The following CENPE variants were observed in gnomAD, a reference collection of about 807,000 sequenced individuals.
CENPE encodes centromere protein E, also known as centromere-associated protein E.
Under a neutral mutation model 336.1 loss-of-function variants are expected in CENPE, and 145 were observed. That is an observed-to-expected ratio of 0.43 (90% CI 0.38 to 0.50). The LOEUF (loss-of-function observed/expected upper bound fraction) is 0.50, where lower values mean the gene tolerates loss of function less well. CENPE is among the 20% of genes least tolerant of loss of function. CENPE has a pLI of 0.00. For missense variants in CENPE, 2,719 were observed against 3,023.3 expected, an observed-to-expected ratio of 0.90 and a Z score of 2.36; for synonymous variants, 1,013 against 984.8, an observed-to-expected ratio of 1.03 and a Z score of -0.54.
intron 16 of CENPE, among the ~76,000 whole-genome samples, chr4:103,165,580 C>A (rs1237223516): frequency 6.6e-6 from 1 of 152,130 alleles, no homozygotes; most frequent in South Asian, 2.1e-4. Context: ...TTGCTACATA[C>A]ACATAGACTT....
intron 24 of CENPE, among the ~76,000 whole-genome samples, chr4:103,156,684 G>A (rs143919593): frequency 6.6e-6 from 1 of 151,992 alleles, no homozygotes; most frequent in Non-Finnish European, 1.5e-5. Flanking sequence ...TGATTTCTTG[G>A]ATATGACACC....
At position 103,182,765 on chromosome 4, in the gene CENPE, G is replaced by A. The variant is rs755431739; in HGVS notation, c.960C>T (p.Leu320=). Residue 320 remains leucine (L), a synonymous_variant, in exon 11 of 49, where the codon CTC becomes CTT. Coordinates refer to ENST00000265148, the MANE Select transcript of CENPE (RefSeq NM_001813.3). ...CTGAGATAAAAATCAAACTCACCTG[G>A]AGAGCAGTAAGTGTTTCATCAAAAG... ...PVSFDETLTA[L]QFASTAKYMK... is the part of the protein sequence containing the mutation. 6 of 1,605,446 alleles carry A rather than the reference G, an allele frequency of 3.7e-6. No individual in the cohort carries two copies. The Admixed American group carries it at 1.0e-4, about 27-fold the overall frequency.
intron 34 of CENPE, among the ~76,000 whole-genome samples, chr4:103,142,680 G>GT (rs1283309592): frequency 1.3e-5 from 2 of 152,088 alleles, no homozygotes; most frequent in Non-Finnish European, 2.9e-5. Context: ...TAACTGACCT[G>GT]TTTGATACAT....
chr4:103,150,798 G>A (rs1753477267), intron 26 of CENPE, among the ~76,000 whole-genome samples: 1 of 152,096 alleles, frequency 6.6e-6, no homozygotes, highest in Non-Finnish European at 1.5e-5. Flanking sequence ...TATAAGAAAT[G>A]ATTCAGGAAA....
chr4:103,152,044 G>A (rs2720464), intron 25 of CENPE, among the ~76,000 whole-genome samples: 53,507 of 151,848 alleles, frequency 0.35, 9,635 homozygotes, highest in Middle Eastern at 0.48. Flanking sequence ...TATACACATT[G>A]TATCACCCCT....
intron 36 of CENPE, 121 bp from the exon 37 acceptor site, chr4:103,140,535 C>T (rs1752458460): frequency 1.3e-6 from 1 of 779,170 alleles, no homozygotes; most frequent in Non-Finnish European, 1.9e-6. Context: ...AACCATTATA[C>T]AACCTCCTAA....
chr4:103,175,000 G>A, intron 15 of CENPE, 97 bp from the exon 16 acceptor site: 1 of 694,294 alleles, frequency 1.4e-6, no homozygotes, highest in East Asian at 3.4e-5. Context: ...CTTTAACTTT[G>A]ATTTGATATC....
In CENPE at chr4:103,140,091, T is replaced by C. The variant is rs376746950; in HGVS notation, c.5914-12A>G. ...TGAAGTTCTTGGATCTTGAGATAAT[T>C]GTAAAACAAGTTAGAATGTAAGCAG... On this transcript the variant is annotated splice_polypyrimidine_tract_variant and intron_variant, in intron 37 of 48. Coordinates refer to ENST00000265148, the MANE Select transcript of CENPE (RefSeq NM_001813.3). The C allele has an allele frequency of 7.6e-6, 12 of 1,588,616 alleles. No individual in the cohort carries two copies. Among genetic ancestry groups the C allele is most frequent in the Non-Finnish European group, 1.0e-5 (12 of 1,169,250 alleles).
intron 15 of CENPE, 94 bp from the exon 16 acceptor site, chr4:103,174,997 T>C (rs189171055): frequency 1.1e-4 from 81 of 709,800 alleles, no homozygotes; most frequent in African/African-American, 1.1e-3. Context: ...CTACTTTAAC[T>C]TTGATTTGAT....
At position 103,108,859 on chromosome 4, in the gene CENPE, A is replaced by G. The variant is rs773335368; in HGVS notation, c.7955T>C (p.Leu2652Ser). 2 of 1,613,946 alleles carry G rather than the reference A, an allele frequency of 1.2e-6. No individual in the cohort carries two copies. Among genetic ancestry groups the G allele is most frequent in the Admixed American group, 1.7e-5 (1 of 60,016 alleles). The change falls in exon 48 of 49, where the codon TTA becomes TCA. Residue 2652 changes from leucine (L) to serine (S), a missense_variant. Coordinates refer to ENST00000265148, the MANE Select transcript of CENPE (RefSeq NM_001813.3). ...ATAGCGAACTGGATGAGGTGATGGT[A>G]AAGACTTTGATCGGCTATCAAAAAA... ...SCFFDSRSKS[L>S]PSPHPVRYFD...
intron 4 of CENPE, 92 bp from the exon 5 acceptor site, chr4:103,195,325 T>C: frequency 1.8e-6 from 2 of 1,085,626 alleles, no homozygotes; most frequent in Non-Finnish European, 2.6e-6. Context: ...AGGTAAAATG[T>C]ATGTAAAACA....
At chr4:103,138,487 A>G (rs756701397) in intron 38 of CENPE, 38 bp from the exon 39 acceptor site, 9 of 1,343,692 alleles carry the variant, frequency 6.7e-6, no homozygotes, top group Middle Eastern at 1.8e-4. Flanking sequence ...GGCTTTTGTC[A>G]TGACTATATT....
rs1347467049 is a variant in CENPE at position 103,163,175 on chromosome 4, T to C, written c.1804A>G (p.Lys602Glu). The C allele has an allele frequency of 6.2e-7, 1 of 1,610,508 alleles. No individual in the cohort carries two copies. Among genetic ancestry groups the C allele is most frequent in the Admixed American group, 1.7e-5 (1 of 59,686 alleles). Residue 602 changes from lysine to glutamate, a missense_variant, in exon 18 of 49, where the codon AAG (lysine) becomes GAG (glutamate). Transcript: ENST00000265148. ...KKLQEYIDSQ[K>E]LENIKMDLSY... ...AAGTCCATTTTTATATTTTCTAGCTTTTGAGAGTCTATGTATTCCTGTAGC... is the reference window on the plus strand; with the variant it reads ...AAGTCCATTTTTATATTTTCTAGCTCTTGAGAGTCTATGTATTCCTGTAGC...
intron 24 of CENPE, 58 bp from the exon 25 acceptor site, chr4:103,153,308 A>G: frequency 9.1e-7 from 1 of 1,102,216 alleles, no homozygotes; most frequent in Non-Finnish European, 1.3e-6. Context: ...AACTTTAAAA[A>G]ATAATAAAAA....
intron 48 of CENPE, among the ~76,000 whole-genome samples, chr4:103,107,138 G>A (rs1325989566): frequency 1.3e-5 from 2 of 152,220 alleles, no homozygotes; most frequent in Non-Finnish European, 2.9e-5. Context: ...AGTCCTTGAT[G>A]CTTAGGAGGA....
intron 42 of CENPE, among the ~76,000 whole-genome samples, chr4:103,124,044 A>G (rs1750879799): frequency 6.6e-6 from 1 of 152,206 alleles, no homozygotes; most frequent in Non-Finnish European, 1.5e-5. Flanking sequence ...GTTCTATTTT[A>G]TTAGCTGTTG....
intron 8 of CENPE, among the ~76,000 whole-genome samples, chr4:103,186,543 C>T (rs1756784083): frequency 6.6e-6 from 1 of 152,164 alleles, no homozygotes; most frequent in African/African-American, 2.4e-5. Flanking sequence ...AAGAGCTGGA[C>T]CTCTCTTTCA....
intron 24 of CENPE, among the ~76,000 whole-genome samples, chr4:103,154,554 G>A (rs911356243): frequency 1.3e-5 from 2 of 152,062 alleles, no homozygotes; most frequent in Non-Finnish European, 1.5e-5. Flanking sequence ...AATTAAGGTA[G>A]GGAACACGTA....
Position 103,116,568 on chromosome 4 carries a change from A to G in CENPE, c.7442+9T>C. ...ATTAAAATCACATTAAATTAAGACA[A>G]ATACGTACTCCTTTTCAAATTCTTT... On this transcript the variant is annotated intron_variant, in intron 45 of 48. Coordinates refer to ENST00000265148, the MANE Select transcript of CENPE (RefSeq NM_001813.3). 7.3e-7 allele frequency: 1 copy of G among 1,369,876 alleles called. No individual in the cohort carries two copies. Among genetic ancestry groups the G allele is most frequent in the Non-Finnish European group, 1.0e-6 (1 of 987,146 alleles). The allele number at this position is 1,369,876 out of a possible 1,614,324, so 84.9% of individuals were successfully genotyped here.
Sources: gnomAD v4.1 joint callset for allele counts (sites outside exome capture counted in the v4.1 genomes callset) on GRCh38, gnomAD v4.1.1 for gene constraint, MANE v1.5 for transcripts, NCBI Gene and HGNC (gene_info 2026-07-23, HGNC 2026-07-21) for gene names.